Variants in URI1 observed in about 807,000 individuals in gnomAD.
URI1 encodes unconventional prefoldin RPB5 interactor 1.
URI1 carries 39 observed loss-of-function variants against 60.2 expected under a neutral mutation model. The ratio of observed to expected loss-of-function variants is 0.65; its 90% CI spans 0.50 to 0.85. The LOEUF is 0.85. URI1 is among the 40% of genes least tolerant of loss of function. The pLI, the probability that URI1 is intolerant of heterozygous loss-of-function variation, is 0.00. For missense variants in URI1, 691 were observed against 665.9 expected, an observed-to-expected ratio of 1.04 and a Z score of -0.42; for synonymous variants, 251 against 236.8, an observed-to-expected ratio of 1.06 and a Z score of -0.55.
intron 1 of URI1, among the ~76,000 whole-genome samples, chr19:29,944,139 TCATATATATA>T (rs2055067197): frequency 6.5e-5 from 2 of 30,564 alleles, no homozygotes; most frequent in African/African-American, 8.9e-5. Flanking sequence ...ACCCTGTCAT[TCATATATATA>T]TATATATATA....
intron 2 of URI1, among the ~76,000 whole-genome samples, chr19:29,980,635 A>AAC (rs1231765782): frequency 1.5e-4 from 22 of 148,390 alleles, no homozygotes; most frequent in African/African-American, 4.7e-4. Context: ...AAAAAAAAAA[A>AAC]AAAACTGGGC....
chr19:29,935,700 C>CTTTTTTTTTTTTTTTTTTTTTTTTTTT lies in URI1; in HGVS notation c.63+11960_63+11961insTTTTTTTTTTTTTTTTTTTTTTTTTTT, dbSNP rs34820413. Among the ~76,000 whole-genome samples the CTTTTTTTTTTTTTTTTTTTTTTTTTTT allele has an allele frequency of 3.5e-4, 46 of 131,820 alleles. 1 individual carries two copies. The highest frequency in any genetic ancestry group is 1.3e-3 in the South Asian group (5 of 3,838). The allele number at this position is 131,820 out of a possible 152,430, so 86.5% of individuals were successfully genotyped here. A position where few individuals can be genotyped will look rare whatever the true frequency, so the allele number is the denominator to read the frequency against. ...TGGTAGGAAATTCTTGGTTGACAGT[C>CTTTTTTTTTTTTTTTTTTTTTTTTTTT]TTTTTTTTTTTTTTCCCCAGGACTT... On this transcript the variant is annotated intron_variant, in intron 1 of 10. Coordinates refer to the URI1 transcript ENST00000360605.
At chr19:30,010,719 T>C (rs1396597199) in intron 8 of URI1, among the ~76,000 whole-genome samples, 5 of 152,236 alleles carry the variant, frequency 3.3e-5, no homozygotes, top group Admixed American at 2.6e-4. Context: ...AAAGGTTGTA[T>C]TCTTACTGAA....
intron 1 of URI1, among the ~76,000 whole-genome samples, chr19:29,961,735 G>A (rs188886106): frequency 1.3e-4 from 20 of 149,896 alleles, no homozygotes; most frequent in Admixed American, 1.3e-3. Flanking sequence ...GCCCAGGCTG[G>A]AGTGCAATGG....
chr19:30,011,094 G>T lies in URI1; in HGVS notation c.1036G>T (p.Val346Phe). The T allele has an allele frequency of 1.3e-6, 2 of 1,596,642 alleles. No individual in the cohort carries two copies. The highest frequency in any genetic ancestry group is 1.7e-6 in the Non-Finnish European group (2 of 1,175,006). ...YFSHTVEPKR[V>F]RINTGKNTTL... ...TTAATTTCTTGCTCTGAAATTTTAG[G>T]TCCGAATAAATACTGGAAAGAATAC... The change falls in exon 9 of 11, where the codon GTC becomes TTC. Residue 346 changes from valine to phenylalanine, a missense_variant and splice_region_variant. Transcript: ENST00000392271.
chr19:29,973,620 TAAAA>T, intron 2 of URI1, among the ~76,000 whole-genome samples: 1 of 151,184 alleles, frequency 6.6e-6, no homozygotes, highest in African/African-American at 2.4e-5. Context: ...GGTTTTTGTT[TAAAA>T]AAAAATGTAG....
intron 4 of URI1, among the ~76,000 whole-genome samples, 191 bp downstream of exon 4, chr19:29,986,608 G>A (rs1422298932): frequency 2.0e-5 from 3 of 152,104 alleles, no homozygotes; most frequent in Non-Finnish European, 4.4e-5. Flanking sequence ...TGGAGCATCC[G>A]GGTTGGAAAT....
intron 2 of URI1, among the ~76,000 whole-genome samples, chr19:29,973,855 C>T (rs2055489064): frequency 6.6e-6 from 1 of 152,106 alleles, no homozygotes; most frequent in Admixed American, 6.5e-5. Flanking sequence ...TAATGGTTTT[C>T]AGTTTAGTGA....
At chr19:29,968,565 C>CTT (rs35475321) in intron 1 of URI1, among the ~76,000 whole-genome samples, 129 of 74,402 alleles carry the variant, frequency 1.7e-3, no homozygotes, top group East Asian at 4.6e-3. Flanking sequence ...CTAATTTTTT[C>CTT]TTTTTTTTTT....
At chr19:29,959,464 A>G (rs2055294289) in intron 1 of URI1, among the ~76,000 whole-genome samples, 1 of 152,246 alleles carries the variant, frequency 6.6e-6, no homozygotes, top group African/African-American at 2.4e-5. Context: ...GGAAGAGTTC[A>G]TCAACAAAGC....
intron 7 of URI1, among the ~76,000 whole-genome samples, chr19:30,008,045 T>TA (rs942824306): frequency 1.3e-5 from 2 of 152,142 alleles, no homozygotes; most frequent in Non-Finnish European, 2.9e-5. Context: ...AAAACAAAAA[T>TA]ACACTTTGAA....
chr19:29,930,676 T>C (rs2054908935), intron 1 of URI1, among the ~76,000 whole-genome samples: 1 of 152,092 alleles, frequency 6.6e-6, no homozygotes, highest in Non-Finnish European at 1.5e-5. Flanking sequence ...TATATGACTA[T>C]CTGAGACCAC....
intron 3 of URI1, 83 bp downstream of exon 3, chr19:29,985,384 T>G (rs1299975163): frequency 8.6e-7 from 1 of 1,166,706 alleles, no homozygotes; most frequent in South Asian, 1.4e-5. Context: ...AATGTCAGGC[T>G]GATGGACTGT....
intron 1 of URI1, among the ~76,000 whole-genome samples, chr19:29,934,067 C>G (rs1216829503): frequency 1.3e-5 from 2 of 151,160 alleles, no homozygotes; most frequent in African/African-American, 2.4e-5. Flanking sequence ...TCCCAAGTAG[C>G]TGGGATTACA....
intron 4 of URI1, among the ~76,000 whole-genome samples, chr19:30,000,408 A>G (rs1267884745): frequency 2.0e-5 from 3 of 151,528 alleles, no homozygotes; most frequent in Non-Finnish European, 4.4e-5. Flanking sequence ...TTCAGGTTCT[A>G]TTTAGTTTGT....
intron 4 of URI1, among the ~76,000 whole-genome samples, chr19:29,989,167 G>A (rs781271537): frequency 1.3e-5 from 2 of 151,664 alleles, no homozygotes; most frequent in Non-Finnish European, 2.9e-5. Flanking sequence ...CTGGAGTGCA[G>A]TGGGGCGATC....
intron 4 of URI1, among the ~76,000 whole-genome samples, chr19:29,989,304 G>T (rs1276252831): frequency 6.6e-6 from 1 of 151,372 alleles, no homozygotes; most frequent in Non-Finnish European, 1.5e-5. Flanking sequence ...GTAGAGATGG[G>T]GTTTCACCAT....
intron 4 of URI1, among the ~76,000 whole-genome samples, chr19:30,005,127 A>G (rs1210802866): frequency 6.6e-6 from 1 of 152,124 alleles, no homozygotes; most frequent in Non-Finnish European, 1.5e-5. Flanking sequence ...GTACTCTGTA[A>G]TAGAGAGAAA....
intron 4 of URI1, among the ~76,000 whole-genome samples, chr19:29,998,941 A>G (rs946001422): frequency 6.7e-6 from 1 of 149,450 alleles, no homozygotes; most frequent in Non-Finnish European, 1.5e-5. Flanking sequence ...AATGGTTTTG[A>G]TCTCCTTTTC....
Sources: allele counts gnomAD v4.1 joint callset (sites outside exome capture counted in the v4.1 genomes callset), GRCh38; gene constraint gnomAD v4.1.1; transcripts MANE v1.5; gene names NCBI Gene and HGNC (gene_info 2026-07-23, HGNC 2026-07-21).